CABLES1: variants seen among roughly 807,000 people sequenced by gnomAD.
CABLES1 encodes the protein CDK5 and ABL1 enzyme substrate 1.
A neutral mutation model predicts 57.8 loss-of-function variants in CABLES1; 36 were observed. The observed-to-expected ratio is 0.62, with a 90% CI of 0.48 to 0.82. The LOEUF (loss-of-function observed/expected upper bound fraction) is 0.82, where lower values mean the gene tolerates loss of function less well. Ranked by LOEUF, CABLES1 falls within the 40% of genes least tolerant of loss-of-function variation. CABLES1 has a pLI of 0.00. For missense variants in CABLES1, 767 were observed against 836.6 expected, an observed-to-expected ratio of 0.92 and a Z score of 1.03; for synonymous variants, 374 against 363.0, an observed-to-expected ratio of 1.03 and a Z score of -0.35.
Position 23,259,780 on chromosome 18 carries a change from G to A in CABLES1, c.*2413G>A, listed in dbSNP as rs190552087. 7.9e-5 allele frequency: 12 copies of A among 152,260 alleles called. No individual in the cohort carries two copies. Among genetic ancestry groups the A allele is most frequent in the Non-Finnish European group, 1.3e-4 (9 of 68,080 alleles). The allele number at this position is 152,260 out of a possible 1,614,324, so 9.4% of individuals were successfully genotyped here. On this transcript the variant is annotated 3_prime_UTR_variant, in exon 10 of 10. Coordinates refer to ENST00000256925, the MANE Select transcript of CABLES1 (RefSeq NM_001100619.3). ...AGGAGGAAGTCTGAGCCTGTGAAGC[G>A]AGAAGGCCAGGCAGTAGACTGGCTC...
In CABLES1 at chr18:23,220,447, A is replaced by AGTAGGTGGGG. The variant is rs1241352251; in HGVS notation, c.1088+6405_1088+6414dup. Among the ~76,000 whole-genome samples the AGTAGGTGGGG allele has an allele frequency of 3.9e-3, 590 of 152,188 alleles. 5 individuals carry two copies. Among genetic ancestry groups the AGTAGGTGGGG allele is most frequent in the African/African-American group, 0.013 (551 of 41,498 alleles). ...AAGGCTTAGCAACTGCCCAAGTGGC[A>AGTAGGTGGGG]GTAGGTGGGGGTAGGTGGGGGCAGG... On this transcript the variant is annotated intron_variant, in intron 4 of 9. Coordinates refer to ENST00000256925, the MANE Select transcript of CABLES1 (RefSeq NM_001100619.3).
chr18:23,168,345 G>C (rs1032805115), intron 1 of CABLES1, among the ~76,000 whole-genome samples: 1 of 152,234 alleles, frequency 6.6e-6, no homozygotes, highest in African/African-American at 2.4e-5. Flanking sequence ...CCTGCTGAGT[G>C]AAACAAGCCA....
chr18:23,134,936 A>C (rs2046806571), upstream of CABLES1, among the ~76,000 whole-genome samples: 1 of 152,060 alleles, frequency 6.6e-6, no homozygotes, highest in African/African-American at 2.4e-5. Context: ...CGATAGCTTT[A>C]CGGTGGGACA....
At position 23,175,405 on chromosome 18, in the gene CABLES1, C is replaced by T. The variant is rs192680242; in HGVS notation, c.846-13433C>T. On this transcript the variant is annotated intron_variant, in intron 1 of 9. Coordinates refer to ENST00000256925, the MANE Select transcript of CABLES1 (RefSeq NM_001100619.3). The stretch of plus-strand genomic sequence containing the variant: ...AGGTCCTGGCTTTCATTTTTGACCT[C>T]ATTCCTGGGCTTCTGCTGGCTTGCC... Among the ~76,000 whole-genome samples, 71 of 152,324 alleles carry T rather than the reference C, an allele frequency of 4.7e-4. 1 individual carries two copies. Among genetic ancestry groups the T allele is most frequent in the African/African-American group, 1.7e-3 (71 of 41,566 alleles).
chr18:23,174,442 G>C (rs1486518463), intron 1 of CABLES1, among the ~76,000 whole-genome samples: 1 of 151,472 alleles, frequency 6.6e-6, no homozygotes, highest in East Asian at 1.9e-4. Context: ...TTTAGGAGTG[G>C]GATTGTTGGT....
At chr18:23,210,827 C>T (rs1256681847) in intron 3 of CABLES1, among the ~76,000 whole-genome samples, 1 of 152,054 alleles carries the variant, frequency 6.6e-6, no homozygotes, top group Non-Finnish European at 1.5e-5. Context: ...CTGTGAGTTC[C>T]TCCTCTGGCC....
chr18:23,142,158 C>T (rs2046862099), intron 1 of CABLES1, among the ~76,000 whole-genome samples: 1 of 152,166 alleles, frequency 6.6e-6, no homozygotes. Flanking sequence ...ATAATCCAAC[C>T]TCAGAATCAG....
At chr18:23,160,162 C>A (rs1047022957) in intron 1 of CABLES1, among the ~76,000 whole-genome samples, 22 of 151,680 alleles carry the variant, frequency 1.5e-4, no homozygotes, top group Admixed American at 1.4e-3. Flanking sequence ...CTCAGCCTCC[C>A]GAGTAGCTGG....
intron 1 of CABLES1, among the ~76,000 whole-genome samples, chr18:23,181,632 A>G (rs1007741706): frequency 1.3e-5 from 2 of 151,102 alleles, no homozygotes; most frequent in Non-Finnish European, 2.9e-5. Flanking sequence ...GGTGAGGGGA[A>G]TTTGTTCCTG....
At chr18:23,197,067 A>G (rs1380591317) in intron 3 of CABLES1, 1 of 152,266 alleles carries the variant, frequency 6.6e-6, no homozygotes. Context: ...ATGAACAGGG[A>G]GCCTCTGTTG....
At position 23,135,930 on chromosome 18, in the gene CABLES1, C is replaced by G; in HGVS notation, c.168C>G (p.Arg56=). ...CGCCCGAACCCCCCCGGAAGCCGCG[C>G]ATGGACCCGCGGCGCCGCCAGGCTG... ...QPPPEPPRKP[R]MDPRRRQAAL... is the part of the protein sequence containing the mutation. The change falls in exon 1 of 10, where the codon CGC becomes CGG. Residue 56 remains arginine, a synonymous_variant. Transcript: ENST00000256925. 2 of 1,109,978 alleles carry G rather than the reference C, an allele frequency of 1.8e-6. No homozygotes were observed. The highest frequency in any genetic ancestry group is 2.2e-6 in the Non-Finnish European group (2 of 914,310). The allele number at this position is 1,109,978 out of a possible 1,614,324, so 68.8% of individuals were successfully genotyped here.
intron 3 of CABLES1, among the ~76,000 whole-genome samples, chr18:23,213,424 G>T (rs1408372490): frequency 2.0e-5 from 3 of 152,064 alleles, no homozygotes; most frequent in Non-Finnish European, 4.4e-5. Context: ...GCTGTTTCCA[G>T]TAGTATCTTT....
chr18:23,137,347 T>TA (rs2046829707), intron 1 of CABLES1, among the ~76,000 whole-genome samples: 1 of 152,222 alleles, frequency 6.6e-6, no homozygotes, highest in African/African-American at 2.4e-5. Flanking sequence ...CGTTTGCTTA[T>TA]TGTTCAGGAA....
At chr18:23,230,826 G>T (rs2047562172) in intron 4 of CABLES1, among the ~76,000 whole-genome samples, 1 of 152,148 alleles carries the variant, frequency 6.6e-6, no homozygotes, top group Admixed American at 6.5e-5. Context: ...CCTAGGATTT[G>T]GGGAACACAT....
intron 3 of CABLES1, among the ~76,000 whole-genome samples, chr18:23,207,869 A>G (rs2047375387): frequency 6.6e-6 from 1 of 152,188 alleles, no homozygotes; most frequent in South Asian, 2.1e-4. Context: ...GGTGGCAGTC[A>G]TAGTCATGAA....
intron 4 of CABLES1, chr18:23,214,610 C>T (rs2047428674): frequency 6.6e-6 from 1 of 152,506 alleles, no homozygotes; most frequent in African/African-American, 2.4e-5. Flanking sequence ...ACCTGAGGGT[C>T]CGTCCTTGCA....
intron 1 of CABLES1, among the ~76,000 whole-genome samples, chr18:23,142,793 T>C (rs1266285617): frequency 6.6e-6 from 1 of 152,096 alleles, no homozygotes; most frequent in Non-Finnish European, 1.5e-5. Flanking sequence ...GCTTGTTGTT[T>C]GAACTCCCCC....
intron 4 of CABLES1, chr18:23,214,690 A>G (rs2047429274): frequency 6.6e-6 from 1 of 152,316 alleles, no homozygotes; most frequent in Non-Finnish European, 1.5e-5. Context: ...TTGCCTTTTC[A>G]TGCATCCGGT....
At chr18:23,135,350 G>C (rs1047275602), upstream of CABLES1, 1 of 152,398 alleles carries the variant, frequency 6.6e-6, no homozygotes, top group African/African-American at 2.4e-5. Flanking sequence ...CTGCCTCTGC[G>C]GCCGCCGCCT....
Sources: allele counts gnomAD v4.1 joint callset (sites outside exome capture counted in the v4.1 genomes callset), GRCh38; gene constraint gnomAD v4.1.1; transcripts MANE v1.5; gene names NCBI Gene and HGNC (gene_info 2026-07-23, HGNC 2026-07-21).